The following ICE1 variants were observed in gnomAD, a reference collection of about 807,000 sequenced individuals.
The protein encoded by ICE1 is interactor of little elongation complex ELL subunit 1, also known as little elongation complex subunit 1.
In ICE1, 64 loss-of-function variants were observed where a neutral mutation model predicts 192.7. That is an observed-to-expected ratio of 0.33 (90% CI 0.27 to 0.41). The LOEUF is 0.41. Among genes scored for constraint, ICE1 ranks in the 10% least tolerant of loss-of-function variants. ICE1 has a pLI of 1.00. For missense variants in ICE1, 2,708 were observed against 2,696.0 expected (o/e 1.00, Z -0.10); for synonymous variants, 1,010 against 984.5 (o/e 1.03, Z -0.49).
rs1738864293 is a variant in ICE1, at chr5:5,463,404, A to G, written c.4070A>G (p.Asp1357Gly). ...CGTTCAGATGCAGGCAGGCAAACCG[A>G]TGGTGGGGAAGAAGACCTGCCAGAA... ...EARSDAGRQT[D>G]GGEEDLPEPV... The change falls in exon 13 of 19, where the codon GAT becomes GGT. Residue 1357 changes from aspartate (D) to glycine (G), a missense_variant. By Grantham distance (94) the Asp-to-Gly change is moderately conservative. This residue lies in a region of ICE1 where 2,366 missense variants were observed against 2,276.6 expected (regional missense o/e 1.04). Coordinates refer to ENST00000296564, the MANE Select transcript of ICE1 (RefSeq NM_015325.3). 3 of 1,613,708 alleles carry G rather than the reference A, an allele frequency of 1.9e-6. No homozygotes were observed. The highest frequency in any genetic ancestry group is 2.5e-6 in the Non-Finnish European group (3 of 1,179,790).
rs1017362915 is a variant in ICE1 at position 5,460,658 on chromosome 5, C to T, written c.1324C>T (p.Leu442Phe). The T allele has an allele frequency of 1.9e-6, 3 of 1,613,826 alleles. No homozygotes were observed. The highest frequency in any genetic ancestry group is 2.5e-6 in the Non-Finnish European group (3 of 1,179,892). Residue 442 changes from leucine (L) to phenylalanine (F), a missense_variant, in exon 13 of 19, where the codon CTC (leucine) becomes TTC (phenylalanine). By Grantham distance (22) the Leu-to-Phe change is conservative (BLOSUM62 0). Coordinates refer to ENST00000296564, the MANE Select transcript of ICE1 (RefSeq NM_015325.3). ...WEVNKVTTSGLETFTATLRES... is the reference protein window; with the variant it reads ...WEVNKVTTSGFETFTATLRES... Reference sequence around the variant, plus strand: ...AGTAAATAAAGTGACAACTTCTGGACTCGAGACTTTCACAGCAACACTGAG... The same window carrying T: ...AGTAAATAAAGTGACAACTTCTGGATTCGAGACTTTCACAGCAACACTGAG...
intron 10 of ICE1, among the ~76,000 whole-genome samples, chr5:5,452,039 C>T (rs1446350735): frequency 1.3e-5 from 2 of 151,614 alleles, no homozygotes; most frequent in Non-Finnish European, 2.9e-5. Context: ...CAATTCAGCA[C>T]GTAGTCCCAA....
At chr5:5,424,436 A>G (rs1301631555) in intron 1 of ICE1, among the ~76,000 whole-genome samples, 1 of 150,038 alleles carries the variant, frequency 6.7e-6, no homozygotes, top group Non-Finnish European at 1.5e-5. Context: ...TCTTTAATAC[A>G]TTGTATTTAT....
chr5:5,423,863 C>G (rs749453968), intron 1 of ICE1, among the ~76,000 whole-genome samples: 10 of 152,168 alleles, frequency 6.6e-5, no homozygotes, highest in Non-Finnish European at 4.4e-5. Context: ...AATAGGATCT[C>G]TCATAAGTAA....
chr5:5,433,896 A>G (rs1452824915), intron 1 of ICE1, among the ~76,000 whole-genome samples: 1 of 152,090 alleles, frequency 6.6e-6, no homozygotes, highest in African/African-American at 2.4e-5. Flanking sequence ...TAGTAATTTT[A>G]GTGCAAAAAT....
intron 11 of ICE1, among the ~76,000 whole-genome samples, chr5:5,457,005 G>A (rs2111369986): frequency 6.6e-6 from 1 of 152,230 alleles, no homozygotes; most frequent in South Asian, 2.1e-4. Context: ...CTGTTTGTAT[G>A]GGAGGATTCA....
intron 1 of ICE1, among the ~76,000 whole-genome samples, chr5:5,427,573 T>C (rs1178801102): frequency 1.3e-5 from 2 of 152,232 alleles, no homozygotes; most frequent in Non-Finnish European, 2.9e-5. Context: ...TGGTTGTCCT[T>C]GGAACAGATT....
chr5:5,430,295 T>G (rs1041003523), intron 1 of ICE1, among the ~76,000 whole-genome samples: 1 of 152,020 alleles, frequency 6.6e-6, no homozygotes, highest in African/African-American at 2.4e-5. Context: ...TGAATCTGAT[T>G]GGAGGAAAAA....
rs961341814 is a variant in ICE1, at chr5:5,464,168, A to G, written c.4834A>G (p.Thr1612Ala). The G allele has an allele frequency of 6.2e-7, 1 of 1,613,204 alleles. No individual in the cohort carries two copies. Among genetic ancestry groups the G allele is most frequent in the Middle Eastern group, 1.7e-4 (1 of 6,060 alleles). Residue 1612 changes from threonine to alanine, a missense_variant, in exon 13 of 19, where the codon ACT (threonine) becomes GCT (alanine). Coordinates refer to ENST00000296564, the MANE Select transcript of ICE1 (RefSeq NM_015325.3). This position sits in a 1 kb window ranked among gnomAD's most constrained non-coding sequence, Gnocchi z 4.0. ...QTILANADTS[T>A]PTDCSPDTLS... ...CATTTTAGCAAATGCTGATACATCCACTCCTACAGATTGTTCTCCTGACAC... is the reference window on the plus strand; with the variant it reads ...CATTTTAGCAAATGCTGATACATCCGCTCCTACAGATTGTTCTCCTGACAC...
Position 5,489,178 on chromosome 5 carries a change from G to A in ICE1, c.6649G>A (p.Val2217Met), listed in dbSNP as rs753632708. The A allele has an allele frequency of 5.0e-6, 8 of 1,613,904 alleles. No individual in the cohort carries two copies. Among genetic ancestry groups the A allele is most frequent in the Non-Finnish European group, 6.8e-6 (8 of 1,179,872 alleles). The change falls in exon 19 of 19, where the codon GTG (valine) becomes ATG (methionine). Residue 2217 changes from valine (V) to methionine (M), a missense_variant. Around this residue, in one of 2 missense-constraint regions of ICE1, gnomAD observed 342 missense variants for 419.3 expected, o/e 0.82. Transcript: ENST00000296564. ...ACCATGGGGTATACAGTTAGCAGCC[G>A]TGTATGCTCTTTGTGACTTGAGTCC... is the stretch of plus-strand genomic sequence containing the variant. ...DIPWGIQLAA[V>M]YALCDLSPSN... is the part of the protein sequence containing the mutation.
rs963240170 is a variant in ICE1 at position 5,461,260 on chromosome 5, C to T, written c.1926C>T (p.Gly642=). The T allele has an allele frequency of 2.5e-6, 4 of 1,613,888 alleles. No homozygotes were observed. The African/African-American group carries it at 5.3e-5, about 22-fold the overall frequency. ...SSSTLVALSV[G]SNPQSSSGLD... is the part of the protein sequence containing the mutation. ...CTACCTTGGTAGCATTGTCTGTTGG[C>T]AGTAATCCCCAGTCTTCTTCTGGGT... The change falls in exon 13 of 19, where the codon GGC becomes GGT. Residue 642 remains glycine (G), a synonymous_variant. Coordinates refer to ENST00000296564, the MANE Select transcript of ICE1 (RefSeq NM_015325.3).
intron 5 of ICE1, among the ~76,000 whole-genome samples, chr5:5,442,001 G>A (rs1483492208): frequency 6.6e-6 from 1 of 152,142 alleles, no homozygotes; most frequent in African/African-American, 2.4e-5. Flanking sequence ...CTGAGATGGA[G>A]CATTGGGAGA....
chr5:5,454,573 A>G lies in ICE1; in HGVS notation c.626A>G (p.Lys209Arg). The change falls in exon 11 of 19, where the codon AAG (lysine) becomes AGG (arginine). Residue 209 changes from lysine (K) to arginine (R), a missense_variant. Physicochemically the swap from Lys to Arg is conservative, Grantham distance 26. Coordinates refer to ENST00000296564, the MANE Select transcript of ICE1 (RefSeq NM_015325.3). ...IDKRKVKLLL[K>R]ELWLCVNTTH... is the part of the protein sequence containing the mutation. ...ACAGGAAAAGTGAAACTGCTTCTGA[A>G]GGAACTCTGGCTCTGTGTAAACACA... 6.2e-7 allele frequency: 1 copy of G among 1,613,490 alleles called. No homozygotes were observed. Among genetic ancestry groups the G allele is most frequent in the Non-Finnish European group, 8.5e-7 (1 of 1,179,608 alleles).
intron 17 of ICE1, among the ~76,000 whole-genome samples, chr5:5,482,775 A>AACACACACCCACACACACAC (rs1739540490): frequency 7.4e-6 from 1 of 135,998 alleles, no homozygotes; most frequent in East Asian, 2.2e-4. Context: ...CCCACCCCCC[A>AACACACACCCACACACACAC]ACACACACAC....
Position 5,474,167 on chromosome 5 carries a change from G to A in ICE1, c.6413+419G>A, listed in dbSNP as rs147120558. Among the ~76,000 whole-genome samples, 656 of 150,410 alleles carry A rather than the reference G, an allele frequency of 4.4e-3. 26 individuals carry two copies. The East Asian group carries it at 0.081, about 19-fold the overall frequency. ...AGAGCTTGCAGTGAGCGGAGATTGT[G>A]CCACTGCACTCCAGCCTGGGTGACA... On this transcript the variant is annotated intron_variant, in intron 16 of 18. Coordinates refer to ENST00000296564, the MANE Select transcript of ICE1 (RefSeq NM_015325.3).
chr5:5,475,435 GTAGATAGAT>G (rs982816198), intron 16 of ICE1, among the ~76,000 whole-genome samples: 7 of 152,188 alleles, frequency 4.6e-5, no homozygotes. Context: ...CATGAAAGAA[GTAGATAGAT>G]TTTTGAAAAA....
intron 12 of ICE1, among the ~76,000 whole-genome samples, chr5:5,459,560 C>T (rs1413848359): frequency 6.6e-6 from 1 of 152,008 alleles, no homozygotes; most frequent in Non-Finnish European, 1.5e-5. Flanking sequence ...GGAACCGTCC[C>T]TATGTAAGTG....
At chr5:5,446,247 C>T (rs1027206473) in intron 7 of ICE1, among the ~76,000 whole-genome samples, 2 of 150,602 alleles carry the variant, frequency 1.3e-5, no homozygotes, top group African/African-American at 4.9e-5. Context: ...TCTCCTGCCT[C>T]AGTCTCCCAA....
intron 1 of ICE1, among the ~76,000 whole-genome samples, chr5:5,435,987 A>G (rs1737863887): frequency 1.3e-5 from 2 of 151,728 alleles, no homozygotes; most frequent in African/African-American, 4.8e-5. Context: ...ATATTTTTTC[A>G]CTTAATCTTA....
Sources: allele counts gnomAD v4.1 joint callset (sites outside exome capture counted in the v4.1 genomes callset), GRCh38; gene constraint gnomAD v4.1.1; regional missense constraint gnomAD v4.1.1; non-coding constraint Gnocchi (gnomAD v3.1); transcripts MANE v1.5; gene names NCBI Gene and HGNC (gene_info 2026-07-23, HGNC 2026-07-21).